Variants in MICOS10 observed in about 807,000 individuals in gnomAD.
The protein encoded by MICOS10 is MICOS complex subunit MIC10.
MICOS10 carries 5 observed loss-of-function variants against 13.4 expected under a neutral mutation model. The ratio of observed to expected loss-of-function variants is 0.37; its 90% CI spans 0.20 to 0.78. The LOEUF (loss-of-function observed/expected upper bound fraction) is 0.78. Ranked by LOEUF, MICOS10 falls within the 30% of genes least tolerant of loss-of-function variation. The pLI is 0.47. For missense variants in MICOS10, 101 were observed against 94.6 expected (o/e 1.07, Z -0.28); for synonymous variants, 35 against 33.6 (o/e 1.04, Z -0.15).
At chr1:19,618,384 C>G (rs2094892070) in intron 1 of MICOS10, among the ~76,000 whole-genome samples, 1 of 152,086 alleles carries the variant, frequency 6.6e-6, no homozygotes, top group Non-Finnish European at 1.5e-5. Flanking sequence ...TCAAGCGATC[C>G]TCCCATCTTG....
At chr1:19,608,378 G>C (rs757095218) in intron 1 of MICOS10, 1 of 1,252,646 alleles carries the variant, frequency 8.0e-7, no homozygotes, top group African/African-American at 1.5e-5. Flanking sequence ...CAAGGAGCTG[G>C]GTATCATTGC....
At chr1:19,620,624 TCTTA>T (rs1434950809) in intron 1 of MICOS10, among the ~76,000 whole-genome samples, 2 of 152,234 alleles carry the variant, frequency 1.3e-5, no homozygotes, top group African/African-American at 2.4e-5. Flanking sequence ...AACTGTTGAT[TCTTA>T]CTTCATATTT....
chr1:19,600,196 G>T (rs191272920), intron 1 of MICOS10, among the ~76,000 whole-genome samples: 16 of 152,284 alleles, frequency 1.1e-4, no homozygotes, highest in Admixed American at 9.2e-4. Context: ...TACTGTGATT[G>T]TGAGGTGATA....
chr1:19,598,332 G>A (rs2094800701), intron 1 of MICOS10: 1 of 152,158 alleles, frequency 6.6e-6, no homozygotes, highest in East Asian at 1.9e-4. Flanking sequence ...TTAAAGGCTT[G>A]AATATGGATC....
intron 1 of MICOS10, among the ~76,000 whole-genome samples, chr1:19,600,545 A>T (rs1016074739): frequency 4.6e-5 from 7 of 152,202 alleles, no homozygotes; most frequent in Non-Finnish European, 1.0e-4. Flanking sequence ...GGTGGAAGAC[A>T]TAGACAGGAA....
intron 3 of MICOS10, chr1:19,625,661 C>T: frequency 7.8e-7 from 1 of 1,275,456 alleles, no homozygotes; most frequent in Non-Finnish European, 1.0e-6. Flanking sequence ...TTCCATTGTT[C>T]CAAACTGAGT....
chr1:19,626,189 C>G (rs545828168), intron 3 of MICOS10, among the ~76,000 whole-genome samples, 198 bp from the exon 4 acceptor site: 1 of 152,310 alleles, frequency 6.6e-6, no homozygotes, highest in East Asian at 1.9e-4. Flanking sequence ...CCACTCTTCT[C>G]CCTGGAAGAT....
chr1:19,597,129 A>G lies in MICOS10; in HGVS notation c.64+20A>G. 6.3e-7 allele frequency: 1 copy of G among 1,598,582 alleles called. No individual in the cohort carries two copies. Among genetic ancestry groups the G allele is most frequent in the South Asian group, 1.1e-5 (1 of 89,558 alleles). Reference sequence around the variant, plus strand: ...AGATAGGTAAGGGGCTTTTCGCCCCAGCAGGCCCGGCCGGTGCAGAGCTGC... The same window carrying G: ...AGATAGGTAAGGGGCTTTTCGCCCCGGCAGGCCCGGCCGGTGCAGAGCTGC... On this transcript the variant is annotated intron_variant, in intron 1 of 3. Coordinates refer to ENST00000322753, the MANE Select transcript of MICOS10 (RefSeq NM_001032363.4).
intron 2 of MICOS10, among the ~76,000 whole-genome samples, chr1:19,623,187 C>T (rs1342314283): frequency 2.6e-5 from 4 of 152,042 alleles, no homozygotes; most frequent in South Asian, 2.1e-4. Flanking sequence ...TCCCAGAGTG[C>T]GGGGATTACA....
At chr1:19,600,844 A>G in intron 1 of MICOS10, 1 of 1,260,214 alleles carries the variant, frequency 7.9e-7, no homozygotes, top group Non-Finnish European at 1.0e-6. Flanking sequence ...CAAACGATCC[A>G]CCTACCTTGG....
intron 1 of MICOS10, among the ~76,000 whole-genome samples, chr1:19,599,997 G>T (rs1570461754): frequency 6.6e-6 from 1 of 152,076 alleles, no homozygotes; most frequent in South Asian, 2.1e-4. Flanking sequence ...TGAGCTGTGG[G>T]TCAGTCAGCG....
At position 19,614,656 on chromosome 1, in the gene MICOS10, T is replaced by C. The variant is rs530739516; in HGVS notation, c.65-7444T>C. On this transcript the variant is annotated intron_variant, in intron 1 of 3. Coordinates refer to ENST00000322753, the MANE Select transcript of MICOS10 (RefSeq NM_001032363.4). Reference sequence around the variant, plus strand: ...TAATCAATTGTTAAGTCCTGTGAATTCTGCCAGCAAAATGCTCTTCCTTTC... The same window carrying C: ...TAATCAATTGTTAAGTCCTGTGAATCCTGCCAGCAAAATGCTCTTCCTTTC... The C allele has an allele frequency of 2.0e-5, 3 of 152,386 alleles. No homozygotes were observed. In the East Asian group the frequency reaches 5.8e-4, roughly 29 times the overall value. The allele number at this position is 152,386 out of a possible 1,614,324, so 9.4% of individuals were successfully genotyped here.
intron 2 of MICOS10, among the ~76,000 whole-genome samples, chr1:19,622,826 A>G (rs997078578): frequency 1.3e-5 from 2 of 152,188 alleles, no homozygotes; most frequent in Non-Finnish European, 2.9e-5. Flanking sequence ...GAATTCATGC[A>G]TCTTACTGGC....
At chr1:19,606,045 T>G (rs2094833372) in intron 1 of MICOS10, among the ~76,000 whole-genome samples, 1 of 152,172 alleles carries the variant, frequency 6.6e-6, no homozygotes, top group Admixed American at 6.5e-5. Flanking sequence ...CTCTCTGGAG[T>G]GCTAGGATGT....
intron 2 of MICOS10, 52 bp downstream of exon 2, chr1:19,622,199 T>C (rs762220317): frequency 9.4e-5 from 136 of 1,446,048 alleles, no homozygotes; most frequent in Non-Finnish European, 1.3e-4. Flanking sequence ...TACATATACG[T>C]AGCAGGGACA....
chr1:19,614,325 TA>T (rs1292506561), intron 1 of MICOS10, among the ~76,000 whole-genome samples: 325 of 136,372 alleles, frequency 2.4e-3, no homozygotes, highest in African/African-American at 4.3e-3. Flanking sequence ...ACCTCCCTTA[TA>T]AAAAAAAAAA....
At chr1:19,617,348 T>C in intron 1 of MICOS10, 1 of 966,728 alleles carries the variant, frequency 1.0e-6, no homozygotes, top group Non-Finnish European at 1.2e-6. Flanking sequence ...TAAGGTCTTG[T>C]AAAATAGCCA....
At chr1:19,608,092 A>G (rs774271322) in intron 1 of MICOS10, 1 of 879,444 alleles carries the variant, frequency 1.1e-6, no homozygotes, top group Admixed American at 1.7e-5. Context: ...TCCCGTGTGG[A>G]GTCTGGAGAC....
chr1:19,601,068 T>A (rs1247682701), intron 1 of MICOS10: 1 of 1,207,950 alleles, frequency 8.3e-7, no homozygotes, highest in African/African-American at 1.6e-5. Context: ...ACGATGACTA[T>A]TATAATCACT....
Sources: gnomAD v4.1 joint callset for allele counts (sites outside exome capture counted in the v4.1 genomes callset) on GRCh38, gnomAD v4.1.1 for gene constraint, MANE v1.5 for transcripts, NCBI Gene and HGNC (gene_info 2026-07-23, HGNC 2026-07-21) for gene names.